The following SPINT2 variants were observed in gnomAD, a reference collection of about 807,000 sequenced individuals.
The protein encoded by SPINT2 is serine peptidase inhibitor, Kunitz type 2, also known as kunitz-type protease inhibitor 2.
SPINT2 carries 18 observed loss-of-function variants against 30.1 expected under a neutral mutation model. That is an observed-to-expected ratio of 0.60 (90% CI 0.41 to 0.89). SPINT2 has a LOEUF of 0.89. SPINT2 is among the 40% of genes least tolerant of loss of function. The pLI is 0.00. For missense variants in SPINT2, 276 were observed against 334.3 expected (o/e 0.83, Z 1.36); for synonymous variants, 139 against 137.9 (o/e 1.01, Z -0.05).
intron 1 of SPINT2, among the ~76,000 whole-genome samples, chr19:38,268,049 A>G (rs542888238): frequency 6.6e-6 from 1 of 152,276 alleles, no homozygotes; most frequent in African/African-American, 2.4e-5. Context: ...GCTCAAGACC[A>G]GTCCTGAGTA....
intron 1 of SPINT2, among the ~76,000 whole-genome samples, chr19:38,266,799 G>C (rs1334377071): frequency 1.3e-5 from 2 of 152,240 alleles, no homozygotes; most frequent in Non-Finnish European, 2.9e-5. Flanking sequence ...GAGAGGCTCA[G>C]CTGTAGGTGA....
chr19:38,274,139 T>C (rs1417973522), intron 1 of SPINT2, among the ~76,000 whole-genome samples: 6 of 151,594 alleles, frequency 4.0e-5, no homozygotes, highest in African/African-American at 1.5e-4. Flanking sequence ...CTGAGGTGGG[T>C]GGGTCACTGA....
intron 1 of SPINT2, 126 bp from the exon 2 acceptor site, chr19:38,283,501 G>A (rs1968604252): frequency 8.3e-7 from 1 of 1,208,882 alleles, no homozygotes; most frequent in Non-Finnish European, 1.2e-6. Flanking sequence ...TTGGGAAACA[G>A]CTCACAGGGG....
In SPINT2 at chr19:38,289,143, A is replaced by G. The variant is rs1212522091; in HGVS notation, c.343A>G (p.Arg115Gly). Residue 115 changes from arginine (R) to glycine (G), a missense_variant, in exon 4 of 7, where the codon AGA (arginine) becomes GGA (glycine). By Grantham distance (125) the Arg-to-Gly change is moderately radical. Transcript: ENST00000301244. Reference sequence around the variant, plus strand: ...CACAGATGTTTGTGTTTCAGCTCCCAGAAGGCAGGATTCTGAAGACCACTC... The same window carrying G: ...CACAGATGTTTGTGTTTCAGCTCCCGGAAGGCAGGATTCTGAAGACCACTC... ...AADSSVPSAP[R>G]RQDSEDHSSD... The G allele has an allele frequency of 2.5e-6, 4 of 1,613,984 alleles. No individual in the cohort carries two copies. Among genetic ancestry groups the G allele is most frequent in the Non-Finnish European group, 3.4e-6 (4 of 1,179,936 alleles).
intron 2 of SPINT2, 114 bp from the exon 3 acceptor site, chr19:38,287,762 C>A: frequency 9.0e-7 from 1 of 1,114,480 alleles, no homozygotes; most frequent in Non-Finnish European, 1.4e-6. Flanking sequence ...TTGAAGGTCC[C>A]ATGTAAAGGA....
At chr19:38,287,728 C>T (rs1968659283) in intron 2 of SPINT2, 148 bp from the exon 3 acceptor site, 3 of 860,722 alleles carry the variant, frequency 3.5e-6, no homozygotes, top group Non-Finnish European at 6.0e-6. Context: ...TTCCTTATTT[C>T]CAAGTTGTGG....
chr19:38,291,845 G>T lies in SPINT2; in HGVS notation c.598G>T (p.Val200Phe), dbSNP rs11548457. 1.2e-6 allele frequency: 2 copies of T among 1,612,472 alleles called. No homozygotes were observed. Among genetic ancestry groups the T allele is most frequent in the Non-Finnish European group, 1.7e-6 (2 of 1,179,888 alleles). ...PPLPLGSKVV[V>F]LAGLFVMVLI... Reference sequence around the variant, plus strand: ...GGCCCCTCTCTCGTCCTCAGTGGTGGTTCTGGCGGGGCTGTTCGTGATGGT... The same window carrying T: ...GGCCCCTCTCTCGTCCTCAGTGGTGTTTCTGGCGGGGCTGTTCGTGATGGT... Residue 200 changes from valine to phenylalanine, a missense_variant, in exon 7 of 7, where the codon GTT becomes TTT. Transcript: ENST00000301244.
chr19:38,276,871 G>A (rs775079406), intron 1 of SPINT2, among the ~76,000 whole-genome samples: 25 of 151,814 alleles, frequency 1.6e-4, no homozygotes, highest in Non-Finnish European at 2.6e-4. Flanking sequence ...CGTGATCTCG[G>A]CTCACTGCAA....
intron 1 of SPINT2, among the ~76,000 whole-genome samples, chr19:38,279,453 C>T (rs1013512026): frequency 6.6e-6 from 1 of 151,676 alleles, no homozygotes; most frequent in African/African-American, 2.4e-5. Flanking sequence ...GCCGAGATCG[C>T]ACCATTGCAT....
chr19:38,268,208 G>A (rs113342249), intron 1 of SPINT2, among the ~76,000 whole-genome samples: 126 of 152,174 alleles, frequency 8.3e-4, no homozygotes, highest in African/African-American at 2.9e-3. Context: ...GAGTAGTGAG[G>A]GCAGGTGGGA....
At chr19:38,278,504 C>T (rs1237747159) in intron 1 of SPINT2, among the ~76,000 whole-genome samples, 1 of 152,228 alleles carries the variant, frequency 6.6e-6, no homozygotes, top group Non-Finnish European at 1.5e-5. Flanking sequence ...ATATGCCAGG[C>T]ATCATGCTTG....
At chr19:38,283,585 G>T (rs1968605247) in intron 1 of SPINT2, 42 bp from the exon 2 acceptor site, 7 of 1,613,004 alleles carry the variant, frequency 4.3e-6, no homozygotes, top group Non-Finnish European at 5.9e-6. Flanking sequence ...TTGTTGCCAG[G>T]ATTGCCCTGC....
At chr19:38,265,227 G>T (rs1181992820) in intron 1 of SPINT2, 13 of 481,088 alleles carry the variant, frequency 2.7e-5, no homozygotes, top group Non-Finnish European at 4.5e-5. Context: ...TTTCCTTCGG[G>T]TGGAGGAAGA....
chr19:38,287,372 G>A (rs1021979128), intron 2 of SPINT2, among the ~76,000 whole-genome samples: 9 of 152,146 alleles, frequency 5.9e-5, no homozygotes, highest in Admixed American at 2.6e-4. Context: ...CTAATTTTTT[G>A]TATTTTTAGT....
chr19:38,283,530 C>A, intron 1 of SPINT2, 97 bp from the exon 2 acceptor site: 1 of 1,504,688 alleles, frequency 6.6e-7, no homozygotes, highest in Non-Finnish European at 9.2e-7. Flanking sequence ...GAACTCAAGG[C>A]TCTGGTTCTC....
chr19:38,286,307 G>T (rs118145427), intron 2 of SPINT2, among the ~76,000 whole-genome samples: 3 of 152,134 alleles, frequency 2.0e-5, no homozygotes, highest in Non-Finnish European at 4.4e-5. Context: ...CCTTTAGTCC[G>T]CATAGGCAAG....
intron 2 of SPINT2, 25 bp from the exon 3 acceptor site, chr19:38,287,851 G>A: frequency 1.2e-6 from 2 of 1,614,084 alleles, no homozygotes; most frequent in Non-Finnish European, 1.7e-6. Flanking sequence ...CTCTTTCACT[G>A]TGCTGTTTCT....
intron 1 of SPINT2, among the ~76,000 whole-genome samples, chr19:38,278,162 C>T (rs756426989): frequency 2.6e-4 from 39 of 152,192 alleles, no homozygotes; most frequent in Non-Finnish European, 5.0e-4. Flanking sequence ...TGTCCGTGAC[C>T]CTGTCATTGA....
intron 1 of SPINT2, among the ~76,000 whole-genome samples, chr19:38,274,556 G>A (rs760690910): frequency 5.9e-5 from 9 of 152,072 alleles, no homozygotes; most frequent in Non-Finnish European, 1.0e-4. Context: ...GGTGGCTCAC[G>A]CCTGTAATCC....
Sources: allele counts gnomAD v4.1 joint callset (sites outside exome capture counted in the v4.1 genomes callset), GRCh38; gene constraint gnomAD v4.1.1; transcripts MANE v1.5; gene names NCBI Gene and HGNC (gene_info 2026-07-23, HGNC 2026-07-21).